The following LRRC37A variants were observed in gnomAD, a reference collection of about 807,000 sequenced individuals.
LRRC37A encodes the protein leucine rich repeat containing 37A, also known as leucine-rich repeat-containing protein 37A.
LRRC37A carries 3 observed loss-of-function variants against 35.4 expected under a neutral mutation model. The observed-to-expected ratio is 0.08, with a 90% CI of 0.04 to 0.22. The LOEUF (loss-of-function observed/expected upper bound fraction) is 0.22. LRRC37A is among the 10% of genes least tolerant of loss of function. The pLI is 1.00. For synonymous variants in LRRC37A, 23 were observed against 215.0 expected (o/e 0.11, Z 7.81); for missense variants, 67 against 565.3 (o/e 0.12, Z 8.94).
rs750059433 is a variant in LRRC37A at position 46,330,850 on chromosome 17, G to C, written c.3573G>C (p.Gln1191His). Residue 1191 changes from glutamine to histidine, a missense_variant, in exon 9 of 14, where the codon CAG becomes CAC. Gln to His is a conservative substitution (Grantham distance 24). Coordinates refer to ENST00000320254, the Ensembl canonical transcript of LRRC37A. Reference sequence around the variant, plus strand: ...GAAGGCAGAGCATCAGGAGGGAACAGGGTGCCCAGGCATCTGTGGAGAACG... The same window carrying C: ...GAAGGCAGAGCATCAGGAGGGAACACGGTGCCCAGGCATCTGTGGAGAACG... The C allele has an allele frequency of 1.4e-5, 10 of 719,268 alleles. 3 individuals carry two copies. The Admixed American group carries it at 2.9e-4, about 21-fold the overall frequency. 44.6% of individuals were successfully genotyped at this position (719,268 alleles called of 1,614,324 possible).
chr17:46,251,636 T>G, the LRRC37A span, among the ~76,000 whole-genome samples: 1 of 151,156 alleles, frequency 6.6e-6, no homozygotes, highest in Non-Finnish European at 1.5e-5. Flanking sequence ...AGTATCAAGG[T>G]GAAGAAATTG....
At chr17:46,275,239 T>C in the LRRC37A span, 14 of 398,570 alleles carry the variant, frequency 3.5e-5, no homozygotes, top group Non-Finnish European at 5.0e-5. Context: ...AATAATATAA[T>C]TGGACTGTTA....
At chr17:46,260,725 G>A in the LRRC37A span, 2 of 821,130 alleles carry the variant, frequency 2.4e-6, no homozygotes, top group South Asian at 1.7e-5. Context: ...CCGGGTTCAA[G>A]CGATTCTCCT....
chr17:46,308,027 T>C lies in LRRC37A; in HGVS notation c.2906+1718T>C, dbSNP rs1360663166. 1.2e-4 allele frequency among the ~76,000 whole-genome samples: 9 copies of C among 72,430 alleles called. 4 individuals are homozygous for C. The highest frequency in any genetic ancestry group is 3.6e-4 in the Non-Finnish European group (9 of 24,842). 47.5% of individuals were successfully genotyped at this position (72,430 alleles called of 152,430 possible). A position where few individuals can be genotyped will look rare whatever the true frequency, so the allele number is the denominator to read the frequency against. On this transcript the variant is annotated intron_variant, in intron 5 of 13. Transcript: ENST00000320254. The stretch of plus-strand genomic sequence containing the variant: ...ACTCTGTCTCAAATAATAATAATAA[T>C]ATAATAATAATAATCATCATCATCA...
At chr17:46,262,038 C>T in the LRRC37A span, among the ~76,000 whole-genome samples, 1 of 152,208 alleles carries the variant, frequency 6.6e-6, no homozygotes, top group Non-Finnish European at 1.5e-5. Context: ...TAAACTCCGT[C>T]TCCCGAGTTT....
the LRRC37A span, among the ~76,000 whole-genome samples, chr17:46,251,995 G>A: frequency 6.6e-5 from 10 of 152,252 alleles, no homozygotes; most frequent in African/African-American, 2.4e-4. Flanking sequence ...GTCCCCACTA[G>A]CATTACATGA....
chr17:46,272,863 G>C, the LRRC37A span, among the ~76,000 whole-genome samples: 330 of 151,924 alleles, frequency 2.2e-3, no homozygotes, highest in Admixed American at 3.8e-3. Context: ...TATCTTCCTG[G>C]TCTCAGGATT....
At chr17:46,275,744 CGTGT>C in the LRRC37A span, among the ~76,000 whole-genome samples, 1 of 151,798 alleles carries the variant, frequency 6.6e-6, no homozygotes, top group African/African-American at 2.4e-5. Context: ...GTGAAAGGTG[CGTGT>C]GTGTGTGTAT....
the LRRC37A span, among the ~76,000 whole-genome samples, chr17:46,279,500 CTTT>C: frequency 3.3e-4 from 41 of 122,450 alleles, no homozygotes; most frequent in Non-Finnish European, 3.8e-4. Flanking sequence ...TTCTTTCTTT[CTTT>C]TTTTTTTTTT....
chr17:46,251,176 C>T, the LRRC37A span, among the ~76,000 whole-genome samples: 9,223 of 131,698 alleles, frequency 0.07, no homozygotes, highest in Middle Eastern at 0.12. Flanking sequence ...ACCTTAGTCC[C>T]GTGGTTCTCA....
At chr17:46,260,620 C>CTCTT in the LRRC37A span, 2 of 1,079,118 alleles carry the variant, frequency 1.9e-6, no homozygotes, top group Admixed American at 6.1e-5. Flanking sequence ...TCTCTATTCT[C>CTCTT]TTTTTTTTTT....
At chr17:46,255,770 G>A in the LRRC37A span, among the ~76,000 whole-genome samples, 2 of 151,796 alleles carry the variant, frequency 1.3e-5, no homozygotes. Context: ...CTGCTTCCTG[G>A]GTTCACGCCA....
the LRRC37A span, among the ~76,000 whole-genome samples, chr17:46,276,397 T>A: frequency 6.6e-6 from 1 of 152,260 alleles, no homozygotes; most frequent in Non-Finnish European, 1.5e-5. Context: ...AAAATTATAT[T>A]AGCTAACCTG....
chr17:46,252,988 A>G, the LRRC37A span, among the ~76,000 whole-genome samples: 1 of 148,492 alleles, frequency 6.7e-6, no homozygotes, highest in African/African-American at 2.5e-5. Flanking sequence ...CTCAATTCCC[A>G]GACGGGGCGA....
chr17:46,326,899 TA>T (rs2051756538), intron 7 of LRRC37A, among the ~76,000 whole-genome samples: 1 of 60,572 alleles, frequency 1.7e-5, no homozygotes, highest in South Asian at 7.4e-4. Context: ...GCCACAACAA[TA>T]AATTAATCAA....
chr17:46,249,463 G>A, the LRRC37A span, among the ~76,000 whole-genome samples: 1 of 152,034 alleles, frequency 6.6e-6, no homozygotes, highest in Non-Finnish European at 1.5e-5. Context: ...TGGCCCTGAT[G>A]TTTGAAATTC....
chr17:46,275,524 T>C, the LRRC37A span: 1 of 579,814 alleles, frequency 1.7e-6, no homozygotes, highest in Non-Finnish European at 3.1e-6. Flanking sequence ...GCCATGTTCT[T>C]TCATTCACCC....
At chr17:46,272,877 A>C in the LRRC37A span, among the ~76,000 whole-genome samples, 1 of 152,380 alleles carries the variant, frequency 6.6e-6, no homozygotes, top group Non-Finnish European at 1.5e-5. Flanking sequence ...CAGGATTTCC[A>C]TAAAATTTAC....
the LRRC37A span, among the ~76,000 whole-genome samples, chr17:46,248,199 C>T: frequency 6.6e-6 from 1 of 151,770 alleles, no homozygotes. Flanking sequence ...CACCCTGTTG[C>T]GTTTTTAGGT....
Sources: gnomAD v4.1 joint callset for allele counts (sites outside exome capture counted in the v4.1 genomes callset) on GRCh38, gnomAD v4.1.1 for gene constraint, MANE v1.5 for transcripts, NCBI Gene and HGNC (gene_info 2026-07-23, HGNC 2026-07-21) for gene names.